The following TRAF3 variants were observed in gnomAD, a reference collection of about 807,000 sequenced individuals.
TRAF3 encodes the protein TNF receptor-associated factor 3.
TRAF3 carries 13 observed loss-of-function variants against 62.3 expected under a neutral mutation model. The observed-to-expected ratio is 0.21, with a 90% confidence interval of 0.14 to 0.33. The LOEUF (loss-of-function observed/expected upper bound fraction) is 0.33, where lower values mean the gene tolerates loss of function less well. TRAF3 is among the 10% of genes least tolerant of loss of function. The pLI is 1.00. For missense variants in TRAF3, 440 were observed against 741.8 expected (o/e 0.59, Z 4.73); for synonymous variants, 269 against 283.4 (o/e 0.95, Z 0.51).
At chr14:102,804,049 C>A (rs572432271) in intron 1 of TRAF3, among the ~76,000 whole-genome samples, 1 of 152,002 alleles carries the variant, frequency 6.6e-6, no homozygotes, top group East Asian at 1.9e-4. Flanking sequence ...GCCTGTGGTC[C>A]CAGCTACTCA....
chr14:102,792,147 C>T (rs1251712192), intron 1 of TRAF3, among the ~76,000 whole-genome samples: 4 of 103,720 alleles, frequency 3.9e-5, no homozygotes, highest in African/African-American at 1.5e-4. Flanking sequence ...TTTTATCAGA[C>T]CAGGTCTCAC....
chr14:102,814,026 G>A (rs1357951383), intron 1 of TRAF3, among the ~76,000 whole-genome samples: 1 of 152,124 alleles, frequency 6.6e-6, no homozygotes, highest in Non-Finnish European at 1.5e-5. Flanking sequence ...TTTTGTAGTA[G>A]TTTTATCATT....
intron 2 of TRAF3, among the ~76,000 whole-genome samples, chr14:102,840,269 C>T (rs1450093031): frequency 6.6e-6 from 1 of 152,184 alleles, no homozygotes. Flanking sequence ...ATTGCCCAGG[C>T]TGGAGTGCAG....
intron 1 of TRAF3, among the ~76,000 whole-genome samples, chr14:102,779,323 C>T (rs1036547522): frequency 7.7e-6 from 1 of 130,176 alleles, no homozygotes; most frequent in Admixed American, 9.1e-5. Context: ...AATTTCTCTG[C>T]GAGGGGAAAG....
intron 1 of TRAF3, among the ~76,000 whole-genome samples, chr14:102,825,608 G>A (rs570359501): frequency 1.3e-5 from 2 of 152,236 alleles, no homozygotes; most frequent in Non-Finnish European, 2.9e-5. Context: ...CTCAGGCTAC[G>A]CTTGGGCTTC....
rs540563941 is a variant in TRAF3 at position 102,886,216 on chromosome 14, G to A, written c.598G>A (p.Val200Met). 6.8e-6 allele frequency: 11 copies of A among 1,613,160 alleles called. No homozygotes were observed. Among genetic ancestry groups the A allele is most frequent in the East Asian group, 2.2e-5 (1 of 44,834 alleles). The change falls in exon 7 of 12, where the codon GTG becomes ATG. Residue 200 changes from valine to methionine, a missense_variant. This residue lies in a region of TRAF3 where 255 missense variants were observed against 424.1 expected (regional missense o/e 0.60). Transcript: ENST00000392745. ...QKHEDTDCPC[V>M]VVSCPHKCSV... is the part of the protein sequence containing the mutation. Reference sequence around the variant, plus strand: ...ACACGAAGACACCGACTGTCCCTGCGTGGTGGTGTCCTGCCCTCACAAGTG... The same window carrying A: ...ACACGAAGACACCGACTGTCCCTGCATGGTGGTGTCCTGCCCTCACAAGTG...
chr14:102,880,687 A>C (rs1306481687), intron 6 of TRAF3, among the ~76,000 whole-genome samples: 1 of 152,266 alleles, frequency 6.6e-6, no homozygotes, highest in African/African-American at 2.4e-5. Flanking sequence ...TATTGACAAT[A>C]GCAAAGACAT....
intron 1 of TRAF3, among the ~76,000 whole-genome samples, chr14:102,809,392 A>G (rs527832838): frequency 6.6e-6 from 1 of 152,222 alleles, no homozygotes; most frequent in African/African-American, 2.4e-5. Flanking sequence ...AGCCTCCCAA[A>G]GTGCTGAGAT....
At chr14:102,796,918 G>T (rs1172940670) in intron 1 of TRAF3, among the ~76,000 whole-genome samples, 1 of 152,236 alleles carries the variant, frequency 6.6e-6, no homozygotes, top group African/African-American at 2.4e-5. Context: ...GAGCCTTTGG[G>T]CTTGCTTCCT....
chr14:102,877,177 T>A (rs1281327468), intron 6 of TRAF3, among the ~76,000 whole-genome samples: 1 of 150,362 alleles, frequency 6.7e-6, no homozygotes, highest in Non-Finnish European at 1.5e-5. Context: ...ATCTCGTAGA[T>A]AATCCGTTCC....
chr14:102,904,188 G>T (rs1001227807), intron 11 of TRAF3, among the ~76,000 whole-genome samples: 19 of 152,198 alleles, frequency 1.2e-4, no homozygotes, highest in Non-Finnish European at 2.6e-4. Flanking sequence ...CAGGTCAACC[G>T]CCCAGGACAT....
rs1261700766 is a variant in TRAF3 at position 102,908,900 on chromosome 14, C to T, written c.*3116C>T. 1 of 152,310 alleles carries T rather than the reference C, an allele frequency of 6.6e-6. No homozygotes were observed. The highest frequency in any genetic ancestry group is 1.5e-5 in the Non-Finnish European group (1 of 68,084). The allele number at this position is 152,310 out of a possible 1,614,324, so 9.4% of individuals were successfully genotyped here. A position where few individuals can be genotyped will look rare whatever the true frequency, so the allele number is the denominator to read the frequency against. ...GCCCGGCTCACGTGAAGGGCACTGG[C>T]TCTTGTGACCACACTGAGCCACGTG... On this transcript the variant is annotated 3_prime_UTR_variant, in exon 12 of 12. Coordinates refer to ENST00000392745, the MANE Select transcript of TRAF3 (RefSeq NM_145725.3).
chr14:102,803,326 T>A (rs76220826), intron 1 of TRAF3, among the ~76,000 whole-genome samples: 1 of 152,162 alleles, frequency 6.6e-6, no homozygotes, highest in East Asian at 1.9e-4. Flanking sequence ...ATGGTGCACA[T>A]AAGGAGGCAG....
At chr14:102,829,098 A>G (rs1900504339) in intron 1 of TRAF3, among the ~76,000 whole-genome samples, 1 of 152,224 alleles carries the variant, frequency 6.6e-6, no homozygotes, top group South Asian at 2.1e-4. Context: ...GAGGGAGGCC[A>G]AGAGTCAGAG....
At chr14:102,809,406 A>G (rs1204718758) in intron 1 of TRAF3, among the ~76,000 whole-genome samples, 1 of 152,168 alleles carries the variant, frequency 6.6e-6, no homozygotes, top group Non-Finnish European at 1.5e-5. Flanking sequence ...CTGAGATTAC[A>G]GGCGTGAGCC....
In TRAF3 at chr14:102,805,457, G is replaced by A. The variant is rs1308888879; in HGVS notation, c.-156-24877G>A. Among the ~76,000 whole-genome samples, 3 of 152,108 alleles carry A rather than the reference G, an allele frequency of 2.0e-5. No individual in the cohort carries two copies. In the East Asian group the frequency reaches 5.8e-4, roughly 29 times the overall value. ...TCCAGATGAGACCCTCACTGCCCTC[G>A]GTGAGTGGATTGCAGGATGCTGGGA... On this transcript the variant is annotated intron_variant, in intron 1 of 11. Coordinates refer to ENST00000392745, the MANE Select transcript of TRAF3 (RefSeq NM_145725.3).
intron 10 of TRAF3, among the ~76,000 whole-genome samples, chr14:102,901,941 T>C (rs1009447910): frequency 6.6e-6 from 1 of 152,218 alleles, no homozygotes; most frequent in Non-Finnish European, 1.5e-5. Flanking sequence ...CATTGAGCAC[T>C]GAACTCTCCA....
At chr14:102,836,422 A>G (rs1886010690) in intron 2 of TRAF3, among the ~76,000 whole-genome samples, 1 of 152,260 alleles carries the variant, frequency 6.6e-6, no homozygotes, top group Admixed American at 6.5e-5. Context: ...TGGAGAAACT[A>G]AGAAATTTGA....
At chr14:102,885,628 A>G (rs559880658) in intron 6 of TRAF3, among the ~76,000 whole-genome samples, 40 of 152,336 alleles carry the variant, frequency 2.6e-4, no homozygotes, top group Admixed American at 9.1e-4. Context: ...CCAATTTTCT[A>G]TGGACTAAAG....
Sources: gnomAD v4.1 joint callset for allele counts (sites outside exome capture counted in the v4.1 genomes callset) on GRCh38, gnomAD v4.1.1 for gene constraint, gnomAD v4.1.1 regional missense constraint, MANE v1.5 for transcripts, NCBI Gene and HGNC (gene_info 2026-07-23, HGNC 2026-07-21) for gene names.